NEGR1: variants seen among roughly 807,000 people sequenced by gnomAD.
NEGR1 encodes the protein IgLON family member 4.
NEGR1 carries 10 observed loss-of-function variants against 40.9 expected under a neutral mutation model. The observed-to-expected ratio is 0.24, with a 90% CI of 0.15 to 0.42. NEGR1 has a LOEUF of 0.42. Among genes scored for constraint, NEGR1 ranks in the 10% least tolerant of loss-of-function variants. The pLI is 1.00. For missense variants in NEGR1, 352 were observed against 438.9 expected (o/e 0.80, Z 1.77); for synonymous variants, 185 against 166.8 (o/e 1.11, Z -0.84).
At position 72,277,032 on chromosome 1, in the gene NEGR1, G is replaced by T. The variant is rs549873066; in HGVS notation, c.176+5287C>A. On this transcript the variant is annotated intron_variant, in intron 1 of 6. Coordinates refer to ENST00000357731, the MANE Select transcript of NEGR1 (RefSeq NM_173808.3). ...TCAGTTGGAAGTTGGAACAAAAAAGGTTCCAGTGGGAGATGAATACAGTGA... is the reference window on the plus strand; with the variant it reads ...TCAGTTGGAAGTTGGAACAAAAAAGTTTCCAGTGGGAGATGAATACAGTGA... Among the ~76,000 whole-genome samples the T allele has an allele frequency of 2.6e-5, 4 of 152,200 alleles. No individual in the cohort carries two copies. The East Asian group carries it at 7.7e-4, about 29-fold the overall frequency.
At chr1:72,044,611 C>A (rs991801713) in intron 1 of NEGR1, among the ~76,000 whole-genome samples, 1 of 151,476 alleles carries the variant, frequency 6.6e-6, no homozygotes, top group Non-Finnish European at 1.5e-5. Context: ...ACTGACAAAC[C>A]AAAAATAGAG....
At position 71,406,327 on chromosome 1, in the gene NEGR1, C is replaced by T. The variant is rs1646277594; in HGVS notation, c.*1119G>A. The stretch of plus-strand genomic sequence containing the variant: ...GGAAAATATGCAAAATGCTCCTGTC[C>T]ACAGGAGCACTGCCTCTGTCATACT... On this transcript the variant is annotated 3_prime_UTR_variant, in exon 7 of 7. Coordinates refer to ENST00000357731, the MANE Select transcript of NEGR1 (RefSeq NM_173808.3). 1.3e-5 allele frequency: 2 copies of T among 151,770 alleles called. No homozygotes were observed. The highest frequency in any genetic ancestry group is 4.8e-5 in the African/African-American group (2 of 41,350). The allele number at this position is 151,770 out of a possible 1,614,324, so 9.4% of individuals were successfully genotyped here.
chr1:71,422,218 T>C (rs757956355), intron 6 of NEGR1, among the ~76,000 whole-genome samples: 75 of 152,190 alleles, frequency 4.9e-4, no homozygotes, highest in Non-Finnish European at 1.8e-4. Context: ...GTGACAGTAA[T>C]AAATTTTCAG....
chr1:71,656,447 C>G (rs1651877909), intron 4 of NEGR1, among the ~76,000 whole-genome samples: 1 of 152,138 alleles, frequency 6.6e-6, no homozygotes, highest in African/African-American at 2.4e-5. Flanking sequence ...GAGTCTGGCT[C>G]TGTCGCCCAA....
chr1:71,457,327 A>C (rs1569895825), intron 6 of NEGR1, among the ~76,000 whole-genome samples: 1 of 152,196 alleles, frequency 6.6e-6, no homozygotes, highest in East Asian at 1.9e-4. Flanking sequence ...AGGTAAAGCT[A>C]AGATCCAAAG....
intron 2 of NEGR1, among the ~76,000 whole-genome samples, chr1:71,882,697 T>A (rs1660614278): frequency 1.4e-5 from 2 of 146,316 alleles, no homozygotes; most frequent in African/African-American, 5.1e-5. Context: ...TTATCAGCAC[T>A]ACCTACTAAA....
chr1:72,260,762 C>T (rs1462246642), intron 1 of NEGR1, among the ~76,000 whole-genome samples: 1 of 152,086 alleles, frequency 6.6e-6, no homozygotes, highest in Non-Finnish European at 1.5e-5. Flanking sequence ...CAAATTCACA[C>T]TTGATTCAGT....
rs202174419 is a variant in NEGR1 at position 71,656,174 on chromosome 1, AGTTTT to A, written c.667+41829_667+41833del. ...AGCCCACTTCCCAATCTGCACTGTTAGTTTTAAGTATCAGACGCAGTGACATAAAA... is the reference window on the plus strand; with the variant it reads ...AGCCCACTTCCCAATCTGCACTGTTAAAGTATCAGACGCAGTGACATAAAA... On this transcript the variant is annotated intron_variant, in intron 4 of 6. Transcript: ENST00000357731. Among the ~76,000 whole-genome samples, 837 of 152,278 alleles carry A rather than the reference AGTTTT, an allele frequency of 5.5e-3. 5 individuals carry two copies. Among genetic ancestry groups the A allele is most frequent in the African/African-American group, 0.019 (790 of 41,542 alleles).
chr1:71,593,556 G>A (rs939632558), intron 5 of NEGR1, among the ~76,000 whole-genome samples: 1 of 152,088 alleles, frequency 6.6e-6, no homozygotes, highest in African/African-American at 2.4e-5. Context: ...TTAAAGTTGA[G>A]TCCCATCACT....
chr1:71,991,648 T>G (rs575441091), intron 1 of NEGR1, among the ~76,000 whole-genome samples: 1 of 151,560 alleles, frequency 6.6e-6, no homozygotes, highest in Non-Finnish European at 1.5e-5. Context: ...CTAACTGATA[T>G]CTGCTTACCT....
chr1:72,060,411 C>T lies in NEGR1; in HGVS notation c.177-125100G>A, dbSNP rs977467008. Among the ~76,000 whole-genome samples, 5 of 151,744 alleles carry T rather than the reference C, an allele frequency of 3.3e-5. No individual in the cohort carries two copies. In the East Asian group the frequency reaches 9.7e-4, roughly 30 times the overall value. On this transcript the variant is annotated intron_variant, in intron 1 of 6. Coordinates refer to ENST00000357731, the MANE Select transcript of NEGR1 (RefSeq NM_173808.3). ...GATGAACCTTAGCTGTATTTCCCCC[C>T]GAAGGGTACAAACTTTTATTACATT...
At chr1:72,109,584 ATAT>A (rs575465307) in intron 1 of NEGR1, among the ~76,000 whole-genome samples, 37 of 151,780 alleles carry the variant, frequency 2.4e-4, no homozygotes, top group African/African-American at 8.7e-4. Flanking sequence ...GTATGAACAT[ATAT>A]TATTATTTCT....
chr1:71,687,431 G>GT (rs1415523639), intron 4 of NEGR1, among the ~76,000 whole-genome samples: 4 of 152,128 alleles, frequency 2.6e-5, no homozygotes, highest in Non-Finnish European at 2.9e-5. Flanking sequence ...TTATTTGTTT[G>GT]TTTTTTGCAC....
At chr1:71,852,697 T>C (rs571917231) in intron 2 of NEGR1, among the ~76,000 whole-genome samples, 4 of 151,412 alleles carry the variant, frequency 2.6e-5, no homozygotes, top group Non-Finnish European at 5.9e-5. Flanking sequence ...AGATTTCAAT[T>C]AGAAAAAGAC....
chr1:71,858,672 A>G (rs1160790353), intron 2 of NEGR1, among the ~76,000 whole-genome samples: 1 of 152,120 alleles, frequency 6.6e-6, no homozygotes, highest in Non-Finnish European at 1.5e-5. Flanking sequence ...AACACATTTA[A>G]ATCTTAATTA....
At chr1:72,073,424 CT>C (rs756723670) in intron 1 of NEGR1, among the ~76,000 whole-genome samples, 1 of 152,022 alleles carries the variant, frequency 6.6e-6, no homozygotes, top group Admixed American at 6.6e-5. Context: ...ATTATTTCCT[CT>C]ATTATCTCTC....
At chr1:72,130,437 G>A (rs924540206) in intron 1 of NEGR1, among the ~76,000 whole-genome samples, 12 of 151,992 alleles carry the variant, frequency 7.9e-5, no homozygotes, top group East Asian at 1.9e-4. Context: ...GGAGTACAAC[G>A]TCACTTTTCT....
At chr1:71,688,194 C>T (rs926469565) in intron 4 of NEGR1, among the ~76,000 whole-genome samples, 2 of 149,868 alleles carry the variant, frequency 1.3e-5, no homozygotes, top group African/African-American at 2.5e-5. Context: ...TCTGCATGGT[C>T]GTAAGTGACC....
intron 6 of NEGR1, among the ~76,000 whole-genome samples, chr1:71,492,167 T>C (rs1486637609): frequency 6.6e-6 from 1 of 152,088 alleles, no homozygotes; most frequent in Non-Finnish European, 1.5e-5. Flanking sequence ...TTATATCATA[T>C]TAGAGCAGTA....
Sources: allele counts gnomAD v4.1 joint callset (sites outside exome capture counted in the v4.1 genomes callset), GRCh38; gene constraint gnomAD v4.1.1; transcripts MANE v1.5; gene names NCBI Gene and HGNC (gene_info 2026-07-23, HGNC 2026-07-21).